C1QTNF12: variants seen among roughly 807,000 people sequenced by gnomAD.
C1QTNF12 encodes the protein adipolin.
In C1QTNF12, 39 loss-of-function variants were observed where a neutral mutation model predicts 34.3. The ratio of observed to expected loss-of-function variants is 1.14; its 90% CI spans 0.88 to 1.49. The LOEUF is 1.49. Ranked by LOEUF, C1QTNF12 falls within the 40% of genes most tolerant of loss-of-function variation. The probability of loss-of-function intolerance (pLI) is 0.00; values close to 1 mark genes in which losing one functional copy is unlikely to be tolerated. For missense variants in C1QTNF12, 497 were observed against 424.7 expected (o/e 1.17, Z -1.50); for synonymous variants, 220 against 196.9 (o/e 1.12, Z -0.98).
intron 1 of C1QTNF12, among the ~76,000 whole-genome samples, chr1:1,245,890 G>A (rs1353203542): frequency 1.3e-5 from 2 of 152,202 alleles, no homozygotes; most frequent in Non-Finnish European, 2.9e-5. Context: ...CCACGACGGC[G>A]GCAGCAAGAC....
At chr1:1,243,575 G>C in intron 4 of C1QTNF12, 23 bp from the exon 5 acceptor site, 1 of 1,532,962 alleles carries the variant, frequency 6.5e-7, no homozygotes, top group Non-Finnish European at 8.8e-7. Context: ...GTGGGTGAGC[G>C]GCCAGCGCAG....
rs767686793 is a variant in C1QTNF12, at chr1:1,242,862, T to C, written c.783A>G (p.Leu261=). 17 of 1,612,384 alleles carry C rather than the reference T, an allele frequency of 1.1e-5. No homozygotes were observed. The highest frequency in any genetic ancestry group is 4.5e-5 in the East Asian group (2 of 44,874). Residue 261 remains leucine, a synonymous_variant, in exon 7 of 8, where the codon CTA becomes CTG. Coordinates refer to ENST00000330388, the MANE Select transcript of C1QTNF12 (RefSeq NM_001014980.3). The part of the protein sequence containing the change: ...GLESNSRVFT[L]QVQGLLQLQA... ...GCAGCTGCAGCAGCCCCTGCACCTG[T>C]AGCGTGAAGACCCTGCTGTTGCTCT...
At chr1:1,243,808 G>T in intron 4 of C1QTNF12, 146 bp downstream of exon 4, 1 of 1,192,806 alleles carries the variant, frequency 8.4e-7, no homozygotes, top group Non-Finnish European at 1.2e-6. Flanking sequence ...TCCCAACCCT[G>T]ACCCGAGGCA....
chr1:1,246,629 C>A lies in C1QTNF12; in HGVS notation c.62G>T (p.Gly21Val). 8.1e-7 allele frequency: 1 copy of A among 1,239,452 alleles called. No homozygotes were observed. The highest frequency in any genetic ancestry group is 4.2e-5 in the Admixed American group (1 of 23,928). The allele number at this position is 1,239,452 out of a possible 1,614,324, so 76.8% of individuals were successfully genotyped here. A position where few individuals can be genotyped will look rare whatever the true frequency, so the allele number is the denominator to read the frequency against. The change falls in exon 1 of 8, where the codon GGG (glycine) becomes GTG (valine). Residue 21 changes from glycine (G) to valine (V), a missense_variant. Gly to Val is a moderately radical substitution (Grantham distance 109, BLOSUM62 -3). Coordinates refer to ENST00000330388, the MANE Select transcript of C1QTNF12 (RefSeq NM_001014980.3). This position sits in a 1 kb window ranked among gnomAD's most constrained non-coding sequence, Gnocchi z 4.5. The stretch of plus-strand genomic sequence containing the variant: ...TGCCTCCCGCCGGGCCCCGACGCCC[C>A]CGAGGAGCACGAGCTGCGGCCCGAG... ...VLLGPQLVLL[G>V]GVGARREAQR...
In C1QTNF12 at chr1:1,244,317, G is replaced by A. The variant is rs531095888; in HGVS notation, c.295-42C>T. 79 of 1,590,036 alleles carry A rather than the reference G, an allele frequency of 5.0e-5. No homozygotes were observed. In the East Asian group the frequency reaches 5.4e-4, roughly 11 times the overall value. ...GCAGGTGAGGGGCCCAGTGGGACCCGGTGGGAGCTACCACCACACCCTGTC... is the reference window on the plus strand; with the variant it reads ...GCAGGTGAGGGGCCCAGTGGGACCCAGTGGGAGCTACCACCACACCCTGTC... On this transcript the variant is annotated intron_variant, in intron 2 of 7. Transcript: ENST00000330388.
chr1:1,243,006 C>T, intron 6 of C1QTNF12, 56 bp downstream of exon 6: 1 of 1,555,808 alleles, frequency 6.4e-7, no homozygotes, highest in Non-Finnish European at 8.7e-7. Context: ...GGCCTGTGAG[C>T]CCCTCCAAGG....
chr1:1,243,318 G>C (rs1005163371), intron 5 of C1QTNF12, 126 bp downstream of exon 5: 3 of 1,053,784 alleles, frequency 2.8e-6, no homozygotes, highest in Non-Finnish European at 4.2e-6. Flanking sequence ...CCCAGTCCAA[G>C]GCCCCCCATG....
In C1QTNF12 at chr1:1,246,526, G is replaced by C; in HGVS notation, c.165C>G (p.Pro55=). Residue 55 remains proline (P), a synonymous_variant, in exon 1 of 8, where the codon CCC becomes CCG. Coordinates refer to ENST00000330388, the MANE Select transcript of C1QTNF12 (RefSeq NM_001014980.3). This position sits in a 1 kb window ranked among gnomAD's most constrained non-coding sequence, Gnocchi z 4.5. The part of the protein sequence containing the change: ...TASASSREGL[P]EAPKPSQASG... ...CCCGGCCGCGTACCTTGGGGGCCTC[G>C]GGCAGCCCCTCGCGGGAGGACGCGC... 8.1e-7 allele frequency: 1 copy of C among 1,233,728 alleles called. No individual in the cohort carries two copies. Among genetic ancestry groups the C allele is most frequent in the Non-Finnish European group, 1.0e-6 (1 of 988,676 alleles). The allele number at this position is 1,233,728 out of a possible 1,614,324, so 76.4% of individuals were successfully genotyped here.
In C1QTNF12 at chr1:1,246,584, C is replaced by G. The variant is rs1638898218; in HGVS notation, c.107G>C (p.Gly36Ala). The G allele has an allele frequency of 3.2e-6, 4 of 1,248,028 alleles. No individual in the cohort carries two copies. In the African/African-American group the frequency reaches 6.2e-5, roughly 19 times the overall value. 77.3% of individuals were successfully genotyped at this position (1,248,028 alleles called of 1,614,324 possible). The change falls in exon 1 of 8, where the codon GGC (glycine) becomes GCC (alanine). Residue 36 changes from glycine (G) to alanine (A), a missense_variant. Transcript: ENST00000330388. The surrounding 1 kb of genome is among the most constrained non-coding windows in gnomAD (Gnocchi z 4.5). ...RREAQRTQQPGQRADPPNATA... is the reference protein window; with the variant it reads ...RREAQRTQQPAQRADPPNATA... Reference sequence around the variant, plus strand: ...GGCGTTGGGGGGATCTGCGCGCTGGCCAGGCTGCTGCGTCCTCTGTGCCTC... The same window carrying G: ...GGCGTTGGGGGGATCTGCGCGCTGGGCAGGCTGCTGCGTCCTCTGTGCCTC...
rs761418609 is a variant in C1QTNF12, at chr1:1,243,593, C to A, written c.532-41G>T. 5 of 1,497,066 alleles carry A rather than the reference C, an allele frequency of 3.3e-6. No individual in the cohort carries two copies. In the Admixed American group the frequency reaches 7.9e-5, roughly 24 times the overall value. The allele number at this position is 1,497,066 out of a possible 1,614,324, so 92.7% of individuals were successfully genotyped here. A position where few individuals can be genotyped will look rare whatever the true frequency, so the allele number is the denominator to read the frequency against. ...GGTGAGCGGCCAGCGCAGGGCCTGG[C>A]CCCCACCCCACAGACCCCGCCTGGG... is the stretch of plus-strand genomic sequence containing the variant. On this transcript the variant is annotated intron_variant, in intron 4 of 7. Transcript: ENST00000330388.
chr1:1,243,839 CG>C, intron 4 of C1QTNF12, 114 bp downstream of exon 4: 32 of 1,352,618 alleles, frequency 2.4e-5, no homozygotes, highest in South Asian at 4.2e-5. Flanking sequence ...CTCCGAGCCC[CG>C]CCCCCAGCCC....
rs909978564 is a variant in C1QTNF12 at position 1,246,447 on chromosome 1, G to A, written c.177+67C>T. 2 of 1,189,318 alleles carry A rather than the reference G, an allele frequency of 1.7e-6. No homozygotes were observed. The highest frequency in any genetic ancestry group is 3.2e-5 in the East Asian group (1 of 31,336). 73.7% of individuals were successfully genotyped at this position (1,189,318 alleles called of 1,614,324 possible). A position where few individuals can be genotyped will look rare whatever the true frequency, so the allele number is the denominator to read the frequency against. ...CCGGCAGGGACAGAGCCTGCTGGGG[G>A]AGGACGCCCCAGAGCCCCAGCTCCG... On this transcript the variant is annotated intron_variant, in intron 1 of 7. Coordinates refer to ENST00000330388, the MANE Select transcript of C1QTNF12 (RefSeq NM_001014980.3). The surrounding 1 kb of genome is among the most constrained non-coding windows in gnomAD (Gnocchi z 4.5).
chr1:1,246,739 C>A, upstream of C1QTNF12: 1 of 1,202,818 alleles, frequency 8.3e-7, no homozygotes, highest in Non-Finnish European at 1.0e-6. This position sits in a 1 kb window ranked among gnomAD's most constrained non-coding sequence, Gnocchi z 4.5. Context: ...CGCCAGGGCG[C>A]AGTCATGGGG....
chr1:1,246,405 G>A lies in C1QTNF12; in HGVS notation c.177+109C>T, dbSNP rs1209344752. The A allele has an allele frequency of 3.0e-6, 3 of 997,920 alleles. No homozygotes were observed. The highest frequency in any genetic ancestry group is 3.9e-6 in the Non-Finnish European group (3 of 776,204). The allele number at this position is 997,920 out of a possible 1,614,324, so 61.8% of individuals were successfully genotyped here. A position where few individuals can be genotyped will look rare whatever the true frequency, so the allele number is the denominator to read the frequency against. On this transcript the variant is annotated intron_variant, in intron 1 of 7. Coordinates refer to ENST00000330388, the MANE Select transcript of C1QTNF12 (RefSeq NM_001014980.3). This position sits in a 1 kb window ranked among gnomAD's most constrained non-coding sequence, Gnocchi z 4.5. ...GACCGTGGCCGAGGCCTCGAAAAGG[G>A]CGACCCGGAGGCAGAGCCGGCAGGG...
At chr1:1,245,306 T>C (rs566331121) in intron 1 of C1QTNF12, among the ~76,000 whole-genome samples, 2 of 67,590 alleles carry the variant, frequency 3.0e-5, no homozygotes, top group African/African-American at 1.3e-4. Context: ...AGGCATCCGC[T>C]ATCCGCTTGC....
At position 1,246,033 on chromosome 1, in the gene C1QTNF12, G is replaced by A. The variant is rs1337736698; in HGVS notation, c.177+481C>T. On this transcript the variant is annotated intron_variant, in intron 1 of 7. Transcript: ENST00000330388. The surrounding 1 kb of genome is among the most constrained non-coding windows in gnomAD (Gnocchi z 4.5). ...CCCCAGGACTTAACCCGCAAGAGGG[G>A]GTGCTAGCTACACAGGACCCCCAGA... Among the ~76,000 whole-genome samples, 1 of 152,068 alleles carries A rather than the reference G, an allele frequency of 6.6e-6. No individual in the cohort carries two copies. Among genetic ancestry groups the A allele is most frequent in the Non-Finnish European group, 1.5e-5 (1 of 67,982 alleles).
intron 1 of C1QTNF12, 120 bp from the exon 2 acceptor site, chr1:1,244,617 C>A: frequency 1.3e-6 from 1 of 759,630 alleles, no homozygotes; most frequent in Non-Finnish European, 2.3e-6. Context: ...AGGAGAAGGA[C>A]CCACGGCCGC....
Position 1,244,485 on chromosome 1 carries a change from A to C in C1QTNF12, c.190T>G (p.Ser64Ala). Residue 64 changes from serine to alanine, a missense_variant, in exon 2 of 8, where the codon TCA (serine) becomes GCA (alanine). Transcript: ENST00000330388. Reference sequence around the variant, plus strand: ...TGGGCGTCGGAGAACTCAGGTCCTGAGGCCTGGGATGGCTGAAGGGACGGG... The same window carrying C: ...TGGGCGTCGGAGAACTCAGGTCCTGCGGCCTGGGATGGCTGAAGGGACGGG... ...LPEAPKPSQASGPEFSDAHMT... is the reference protein window; with the variant it reads ...LPEAPKPSQAAGPEFSDAHMT... The C allele has an allele frequency of 6.2e-7, 1 of 1,611,364 alleles. No homozygotes were observed.
In C1QTNF12 at chr1:1,244,165, T is replaced by A. The variant is rs112569405; in HGVS notation, c.379+26A>T. ...CAGCACAGGGCCCAGGCACGTCTGG[T>A]CTCTGGGCAGTGCAGGGCGGCTGAC... On this transcript the variant is annotated intron_variant, in intron 3 of 7. Coordinates refer to ENST00000330388, the MANE Select transcript of C1QTNF12 (RefSeq NM_001014980.3). 2,513 of 1,564,592 alleles carry A rather than the reference T, an allele frequency of 1.6e-3. 20 individuals are homozygous for A. The African/African-American group carries it at 0.02, about 13-fold the overall frequency.
Sources: allele counts gnomAD v4.1 joint callset (sites outside exome capture counted in the v4.1 genomes callset), GRCh38; gene constraint gnomAD v4.1.1; non-coding constraint Gnocchi (gnomAD v3.1); transcripts MANE v1.5; gene names NCBI Gene and HGNC (gene_info 2026-07-23, HGNC 2026-07-21).